KIAA1217: variants seen among roughly 807,000 people sequenced by gnomAD.
The protein encoded by KIAA1217 is sickle tail protein homolog.
A neutral mutation model predicts 163.9 loss-of-function variants in KIAA1217; 88 were observed. The observed-to-expected ratio is 0.54, with a 90% confidence interval of 0.45 to 0.64. The LOEUF (loss-of-function observed/expected upper bound fraction) is 0.64. Among genes scored for constraint, KIAA1217 ranks in the 30% least tolerant of loss-of-function variants. The probability of loss-of-function intolerance (pLI) is 0.00; values close to 1 mark genes in which losing one functional copy is unlikely to be tolerated. For synonymous variants in KIAA1217, 903 were observed against 923.1 expected, an observed-to-expected ratio of 0.98 and a Z score of 0.39; for missense variants, 2,372 against 2,475.0, an observed-to-expected ratio of 0.96 and a Z score of 0.88.
At chr10:23,697,714 C>CAA (rs35015789) in intron 1 of KIAA1217, among the ~76,000 whole-genome samples, 2,003 of 140,292 alleles carry the variant, frequency 0.014, 48 homozygotes, top group African/African-American at 0.048. Context: ...ACTAAAAATA[C>CAA]AAAAAAAAAA....
rs141677450 is a variant in KIAA1217 at position 24,452,744 on chromosome 10, A to G, written c.846+14265A>G. 8.0e-3 allele frequency among the ~76,000 whole-genome samples: 1,215 copies of G among 152,102 alleles called. 22 individuals are homozygous for G. Among genetic ancestry groups the G allele is most frequent in the South Asian group, 0.051 (244 of 4,822 alleles). Reference sequence around the variant, plus strand: ...TATTTGCTAGCACAACAGAATGCCTATAGTCAAAAATAATTTAATTGTACT... The same window carrying G: ...TATTTGCTAGCACAACAGAATGCCTGTAGTCAAAAATAATTTAATTGTACT... On this transcript the variant is annotated intron_variant, in intron 5 of 20. Coordinates refer to ENST00000376454, the MANE Select transcript of KIAA1217 (RefSeq NM_019590.5).
chr10:24,379,820 G>A (rs1010521740), intron 2 of KIAA1217, among the ~76,000 whole-genome samples: 4 of 152,182 alleles, frequency 2.6e-5, no homozygotes, highest in Non-Finnish European at 4.4e-5. Flanking sequence ...GGGAGGCTGA[G>A]GCAGGTGCAT....
chr10:24,122,158 C>A (rs1241345825), intron 2 of KIAA1217, among the ~76,000 whole-genome samples: 1 of 152,108 alleles, frequency 6.6e-6, no homozygotes, highest in Non-Finnish European at 1.5e-5. Context: ...TCCCCCCACC[C>A]TTTTGGAGTC....
intron 2 of KIAA1217, among the ~76,000 whole-genome samples, chr10:24,187,426 C>G (rs2066490752): frequency 1.3e-5 from 2 of 152,208 alleles, no homozygotes; most frequent in African/African-American, 4.8e-5. Context: ...TTCTCCATCT[C>G]CCTTCACTCA....
intron 1 of KIAA1217, among the ~76,000 whole-genome samples, chr10:23,915,169 A>G (rs1006875993): frequency 2.0e-5 from 3 of 152,212 alleles, no homozygotes; most frequent in Admixed American, 6.5e-5. Flanking sequence ...AATGACAAAC[A>G]TGAAATTGCT....
intron 2 of KIAA1217, among the ~76,000 whole-genome samples, chr10:24,154,148 G>A (rs943945469): frequency 2.0e-5 from 3 of 151,620 alleles, no homozygotes; most frequent in Admixed American, 1.3e-4. Flanking sequence ...TAGTAGAGAC[G>A]GGGTTTCACC....
intron 1 of KIAA1217, among the ~76,000 whole-genome samples, chr10:23,776,554 T>C (rs1835015437): frequency 6.6e-6 from 1 of 151,296 alleles, no homozygotes; most frequent in Non-Finnish European, 1.5e-5. Flanking sequence ...CTCAATAAAA[T>C]AATATAAATA....
intron 1 of KIAA1217, among the ~76,000 whole-genome samples, chr10:24,001,412 G>A (rs1846738977): frequency 6.6e-6 from 1 of 152,188 alleles, no homozygotes; most frequent in Non-Finnish European, 1.5e-5. Flanking sequence ...TCAGATTCTA[G>A]TGGATAAGAT....
chr10:24,008,148 A>C (rs528192451), intron 2 of KIAA1217, among the ~76,000 whole-genome samples: 1 of 149,690 alleles, frequency 6.7e-6, no homozygotes, highest in South Asian at 2.1e-4. Context: ...ATCCATAGGA[A>C]GGTAGGAAAT....
At chr10:24,254,805 A>G (rs957336515) in intron 2 of KIAA1217, among the ~76,000 whole-genome samples, 6 of 152,042 alleles carry the variant, frequency 3.9e-5, no homozygotes, top group African/African-American at 1.4e-4. Context: ...TTAACTGCCC[A>G]TTGGATACTG....
intron 2 of KIAA1217, among the ~76,000 whole-genome samples, chr10:24,013,286 A>T (rs1356128584): frequency 2.6e-5 from 4 of 152,082 alleles, no homozygotes; most frequent in African/African-American, 9.7e-5. Flanking sequence ...GGCATGAGTT[A>T]TAGTGTTTTT....
At chr10:24,059,295 G>A (rs142068383) in intron 2 of KIAA1217, among the ~76,000 whole-genome samples, 3,920 of 152,008 alleles carry the variant, frequency 0.026, 81 homozygotes, top group Middle Eastern at 0.054. Flanking sequence ...TTTGTCGGGG[G>A]TTGTTTTATC....
At chr10:23,863,345 T>C (rs1393066793) in intron 1 of KIAA1217, among the ~76,000 whole-genome samples, 2 of 152,210 alleles carry the variant, frequency 1.3e-5, no homozygotes, top group African/African-American at 4.8e-5. Flanking sequence ...CCTCCAAAAT[T>C]CAGTGTTTCC....
At chr10:24,536,127 C>T (rs191623823) in intron 16 of KIAA1217, among the ~76,000 whole-genome samples, 1 of 152,268 alleles carries the variant, frequency 6.6e-6, no homozygotes. Context: ...AACTGACCTT[C>T]CTGACTGAAG....
At chr10:24,375,183 G>A (rs1231148006) in intron 2 of KIAA1217, among the ~76,000 whole-genome samples, 3 of 152,172 alleles carry the variant, frequency 2.0e-5, no homozygotes, top group Admixed American at 2.0e-4. Context: ...GGCCTCAGCT[G>A]ATGCTGTCAC....
At chr10:24,212,067 A>G (rs2068203014) in intron 1 of KIAA1217, among the ~76,000 whole-genome samples, 1 of 151,782 alleles carries the variant, frequency 6.6e-6, no homozygotes. Flanking sequence ...AGACAGAGAG[A>G]AAGAGAAGGA....
chr10:24,355,882 G>C (rs1051186488), intron 2 of KIAA1217, among the ~76,000 whole-genome samples: 13 of 150,870 alleles, frequency 8.6e-5, no homozygotes, highest in African/African-American at 3.2e-4. Flanking sequence ...CCCACTAGCT[G>C]GGACTACAGG....
At chr10:24,095,890 G>A (rs1218932910) in intron 2 of KIAA1217, among the ~76,000 whole-genome samples, 1 of 152,196 alleles carries the variant, frequency 6.6e-6, no homozygotes, top group African/African-American at 2.4e-5. Context: ...AGGATCGCTT[G>A]AGGTCAGGAA....
At chr10:24,057,854 C>T (rs1054854968) in intron 2 of KIAA1217, among the ~76,000 whole-genome samples, 2 of 152,136 alleles carry the variant, frequency 1.3e-5, no homozygotes, top group Non-Finnish European at 2.9e-5. Flanking sequence ...CACAGGTTGC[C>T]TTTTCACTCC....
Sources: gnomAD v4.1 joint callset for allele counts (sites outside exome capture counted in the v4.1 genomes callset) on GRCh38, gnomAD v4.1.1 for gene constraint, MANE v1.5 for transcripts, NCBI Gene and HGNC (gene_info 2026-07-23, HGNC 2026-07-21) for gene names.